ARSK: variants seen among roughly 807,000 people sequenced by gnomAD.
ARSK encodes the protein arylsulfatase K.
In ARSK, 37 loss-of-function variants were observed where a neutral mutation model predicts 53.2. The ratio of observed to expected loss-of-function variants is 0.70; its 90% CI spans 0.54 to 0.92. ARSK has a LOEUF of 0.92. ARSK is among the 40% of genes least tolerant of loss of function. The pLI is 0.00. For synonymous variants in ARSK, 208 were observed against 223.2 expected, an observed-to-expected ratio of 0.93 and a Z score of 0.61; for missense variants, 613 against 643.0, an observed-to-expected ratio of 0.95 and a Z score of 0.51.
rs1374195388 is a variant in ARSK, at chr5:95,602,741, T to C, written c.1322-496T>C. ...CATGGCTGTTTGTTCAAATGGACAG[T>C]ACTGATGAATGTAACTTTCAAAACT... On this transcript the variant is annotated intron_variant, in intron 7 of 7. Transcript: ENST00000380009. Among the ~76,000 whole-genome samples the C allele has an allele frequency of 3.3e-5, 5 of 152,304 alleles. No homozygotes were observed. The East Asian group carries it at 5.8e-4, about 18-fold the overall frequency.
intron 6 of ARSK, among the ~76,000 whole-genome samples, chr5:95,595,463 A>G (rs927013877): frequency 2.0e-5 from 3 of 152,264 alleles, no homozygotes; most frequent in Non-Finnish European, 2.9e-5. Context: ...AATGTGGCAC[A>G]TATACACCAT....
chr5:95,571,060 C>T (rs539112889), intron 3 of ARSK, among the ~76,000 whole-genome samples: 4 of 152,314 alleles, frequency 2.6e-5, no homozygotes, highest in African/African-American at 7.2e-5. Flanking sequence ...GGATTACAGG[C>T]GTGAGCCACT....
At position 95,567,961 on chromosome 5, in the gene ARSK, A is replaced by G. The variant is rs1256891684; in HGVS notation, c.328A>G (p.Thr110Ala). The G allele has an allele frequency of 4.3e-6, 7 of 1,613,776 alleles. No individual in the cohort carries two copies. The highest frequency in any genetic ancestry group is 5.9e-6 in the Non-Finnish European group (7 of 1,179,880). ...NNFKGLDPNY[T>A]TWMDVMERHG... ...TTTTAAGGGTCTAGATCCAAATTAT[A>G]CAACATGGATGGATGTCATGGAGAG... The change falls in exon 3 of 8, where the codon ACA becomes GCA. Residue 110 changes from threonine to alanine, a missense_variant. Physicochemically the swap from Thr to Ala is moderately conservative, Grantham distance 58 (BLOSUM62 0). Coordinates refer to ENST00000380009, the MANE Select transcript of ARSK (RefSeq NM_198150.3).
rs1325516853 is a variant in ARSK, at chr5:95,591,484, A to G, written c.955A>G (p.Met319Val). 23 of 1,614,180 alleles carry G rather than the reference A, an allele frequency of 1.4e-5. No homozygotes were observed. Among genetic ancestry groups the G allele is most frequent in the Non-Finnish European group, 1.9e-5 (22 of 1,180,004 alleles). The change falls in exon 6 of 8, where the codon ATG becomes GTG. Residue 319 changes from methionine to valine, a missense_variant. Transcript: ENST00000380009. The part of the protein sequence containing the change: ...IYSSDHGELA[M>V]EHRQFYKMSM... The stretch of plus-strand genomic sequence containing the variant: ...CTCCTCAGACCATGGAGAGCTGGCC[A>G]TGGAACATCGACAGTTTTATAAAAT...
At chr5:95,562,279 A>G (rs1054650932) in intron 1 of ARSK, among the ~76,000 whole-genome samples, 1 of 152,196 alleles carries the variant, frequency 6.6e-6, no homozygotes, top group Non-Finnish European at 1.5e-5. Flanking sequence ...TGGGTCTTAA[A>G]GGACAGAGGC....
intron 3 of ARSK, among the ~76,000 whole-genome samples, chr5:95,579,413 A>G (rs1260260710): frequency 1.3e-5 from 2 of 152,250 alleles, no homozygotes; most frequent in African/African-American, 2.4e-5. Context: ...CAGGCAAAAG[A>G]GAATGAAAAA....
At chr5:95,567,482 A>T (rs1357614137) in intron 2 of ARSK, among the ~76,000 whole-genome samples, 1 of 152,246 alleles carries the variant, frequency 6.6e-6, no homozygotes, top group African/African-American at 2.4e-5. Flanking sequence ...CAGCAAAAGG[A>T]CAGGGAATAA....
chr5:95,565,123 G>A (rs369741781), intron 1 of ARSK, among the ~76,000 whole-genome samples: 1 of 152,154 alleles, frequency 6.6e-6, no homozygotes, highest in South Asian at 2.1e-4. Context: ...TAGAACTCCA[G>A]GACTGGAACA....
At chr5:95,594,756 C>G (rs143581196) in intron 6 of ARSK, among the ~76,000 whole-genome samples, 7 of 151,752 alleles carry the variant, frequency 4.6e-5, no homozygotes, top group South Asian at 2.1e-4. Context: ...AGGAGAATGG[C>G]GTGAATCTGG....
chr5:95,573,110 A>G (rs1286303039), intron 3 of ARSK, among the ~76,000 whole-genome samples: 1 of 152,182 alleles, frequency 6.6e-6, no homozygotes, highest in Non-Finnish European at 1.5e-5. Flanking sequence ...AAAACTAGAC[A>G]TTTTATGCTC....
At chr5:95,556,551 GCAAAGCAGCTGTCT>G (rs1186087559) in intron 1 of ARSK, 1 of 306,260 alleles carries the variant, frequency 3.3e-6, no homozygotes, top group East Asian at 6.3e-5. Context: ...ATGGTGTTGG[GCAAAGCAGCTGTCT>G]TCAGCAGAGG....
intron 4 of ARSK, 125 bp downstream of exon 4, chr5:95,583,323 C>A: frequency 2.5e-6 from 2 of 804,214 alleles, no homozygotes; most frequent in Non-Finnish European, 3.6e-6. Context: ...CAAACTTGAC[C>A]AATAACTAGT....
In ARSK at chr5:95,568,481, T is replaced by C. The variant is rs572931699; in HGVS notation, c.416+432T>C. ...TCCTCAAAAACCAGGCAGCCAAGCA[T>C]AGTGGTTAAGAGTAGAGGTCAAGAA... On this transcript the variant is annotated intron_variant, in intron 3 of 7. Transcript: ENST00000380009. 1.6e-4 allele frequency among the ~76,000 whole-genome samples: 25 copies of C among 152,260 alleles called. No individual in the cohort carries two copies. The South Asian group carries it at 5.2e-3, about 32-fold the overall frequency.
Position 95,583,187 on chromosome 5 carries a change from T to C in ARSK, c.688T>C (p.Trp230Arg), listed in dbSNP as rs1749050254. 2 of 1,564,328 alleles carry C rather than the reference T, an allele frequency of 1.3e-6. No homozygotes were observed. Among genetic ancestry groups the C allele is most frequent in the Non-Finnish European group, 8.7e-7 (1 of 1,150,196 alleles). Residue 230 changes from tryptophan to arginine, a missense_variant, in exon 4 of 8, where the codon TGG becomes CGG. By Grantham distance (101) the Trp-to-Arg change is moderately radical (BLOSUM62 -3). Transcript: ENST00000380009. ...TTCAACATTTCACACATCTCTTTAT[T>C]GGCTTGAAAAAGTAAGTAACTACAT... The part of the protein sequence containing the change: ...GSSTFHTSLY[W>R]LEKVSHDAIK...
intron 3 of ARSK, among the ~76,000 whole-genome samples, chr5:95,573,297 T>A (rs1467683826): frequency 6.6e-6 from 1 of 152,190 alleles, no homozygotes; most frequent in Non-Finnish European, 1.5e-5. Context: ...TAGGAGGTAA[T>A]TGATTTTATA....
At chr5:95,561,311 G>C (rs1748632273) in intron 1 of ARSK, among the ~76,000 whole-genome samples, 1 of 152,206 alleles carries the variant, frequency 6.6e-6, no homozygotes, top group Non-Finnish European at 1.5e-5. Flanking sequence ...CCCATACCCT[G>C]CTGGTAGGAT....
rs374115591 is a variant in ARSK, at chr5:95,602,418, G to A, written c.1322-819G>A. Reference sequence around the variant, plus strand: ...TTTTCTGTACTTTTTAGGGCTTATTGATTTCCCTTTCCTAAAGATGTACCA... The same window carrying A: ...TTTTCTGTACTTTTTAGGGCTTATTAATTTCCCTTTCCTAAAGATGTACCA... On this transcript the variant is annotated intron_variant, in intron 7 of 7. Coordinates refer to ENST00000380009, the MANE Select transcript of ARSK (RefSeq NM_198150.3). Among the ~76,000 whole-genome samples, 26 of 152,250 alleles carry A rather than the reference G, an allele frequency of 1.7e-4. No individual in the cohort carries two copies. In the South Asian group the frequency reaches 5.4e-3, roughly 32 times the overall value.
At chr5:95,591,339 A>C in intron 5 of ARSK, 62 bp from the exon 6 acceptor site, 2 of 1,375,810 alleles carry the variant, frequency 1.5e-6, no homozygotes, top group South Asian at 1.2e-5. Context: ...TTATAAACTT[A>C]ATGTGATAGA....
chr5:95,567,927 T>C lies in ARSK; in HGVS notation c.294T>C (p.Ser98=). Residue 98 remains serine, a synonymous_variant, in exon 3 of 8, where the codon TCT becomes TCC. Coordinates refer to ENST00000380009, the MANE Select transcript of ARSK (RefSeq NM_198150.3). ...WSGLFTHLTE[S]WNNFKGLDPN... ...GCCTCTTCACTCACTTAACAGAATCTTGGAATAATTTTAAGGGTCTAGATC... is the reference window on the plus strand; with the variant it reads ...GCCTCTTCACTCACTTAACAGAATCCTGGAATAATTTTAAGGGTCTAGATC... 6.2e-7 allele frequency: 1 copy of C among 1,613,016 alleles called. No homozygotes were observed. The highest frequency in any genetic ancestry group is 8.5e-7 in the Non-Finnish European group (1 of 1,179,384).
Sources: allele counts gnomAD v4.1 joint callset (sites outside exome capture counted in the v4.1 genomes callset), GRCh38; gene constraint gnomAD v4.1.1; transcripts MANE v1.5; gene names NCBI Gene and HGNC (gene_info 2026-07-23, HGNC 2026-07-21).